The following OPCML variants were observed in gnomAD, a reference collection of about 807,000 sequenced individuals.
OPCML encodes the protein opioid-binding protein/cell adhesion molecule.
In OPCML, 13 loss-of-function variants were observed where a neutral mutation model predicts 37.8. That is an observed-to-expected ratio of 0.34 (90% CI 0.22 to 0.55). OPCML has a LOEUF of 0.55. Among genes scored for constraint, OPCML ranks in the 20% least tolerant of loss-of-function variants. OPCML has a pLI of 0.91. For missense variants in OPCML, 341 were observed against 435.6 expected (o/e 0.78, Z 1.93); for synonymous variants, 176 against 168.8 (o/e 1.04, Z -0.33).
intron 1 of OPCML, among the ~76,000 whole-genome samples, chr11:133,515,731 G>A (rs1948254825): frequency 6.6e-6 from 1 of 151,758 alleles, no homozygotes; most frequent in Admixed American, 6.6e-5. Context: ...GTCCAGAAAA[G>A]CCCGAAACTC....
chr11:133,082,587 C>T (rs1290182752), intron 1 of OPCML, among the ~76,000 whole-genome samples: 3 of 136,490 alleles, frequency 2.2e-5, no homozygotes, highest in Admixed American at 2.1e-4. Context: ...CTCATCCTCT[C>T]CTCCCCCTCG....
intron 1 of OPCML, chr11:133,420,437 T>A (rs1313717076): frequency 1.0e-6 from 1 of 985,336 alleles, no homozygotes; most frequent in Non-Finnish European, 1.2e-6. Flanking sequence ...GAATTTCAGT[T>A]TGTTTTCAAT....
chr11:132,639,003 C>G (rs937444618), intron 3 of OPCML, among the ~76,000 whole-genome samples: 1 of 152,158 alleles, frequency 6.6e-6, no homozygotes, highest in African/African-American at 2.4e-5. Flanking sequence ...GATACTGGAG[C>G]AGTTTTCTAG....
chr11:132,552,291 T>C (rs1357836086), intron 3 of OPCML, among the ~76,000 whole-genome samples: 1 of 152,222 alleles, frequency 6.6e-6, no homozygotes, highest in Non-Finnish European at 1.5e-5. Flanking sequence ...GGTAAGACAT[T>C]ACATGAGACC....
chr11:133,183,571 C>G (rs1937937386), intron 1 of OPCML, among the ~76,000 whole-genome samples: 1 of 152,272 alleles, frequency 6.6e-6, no homozygotes, highest in East Asian at 1.9e-4. Flanking sequence ...ACCTCCTCTT[C>G]CACTCATTTA....
At chr11:133,426,959 A>G (rs976151733) in intron 1 of OPCML, among the ~76,000 whole-genome samples, 1 of 152,226 alleles carries the variant, frequency 6.6e-6, no homozygotes, top group Non-Finnish European at 1.5e-5. Context: ...CATTTATGCA[A>G]AAAATATAAA....
intron 2 of OPCML, among the ~76,000 whole-genome samples, chr11:132,890,518 G>T (rs1943598730): frequency 6.6e-6 from 1 of 151,908 alleles, no homozygotes; most frequent in African/African-American, 2.4e-5. Context: ...AGGTTACAAA[G>T]ATACATACAA....
intron 2 of OPCML, among the ~76,000 whole-genome samples, chr11:132,853,289 T>C (rs966446850): frequency 6.6e-6 from 1 of 152,186 alleles, no homozygotes; most frequent in Non-Finnish European, 1.5e-5. Context: ...CAGATGAGAT[T>C]GGTGGTGTTA....
chr11:133,507,307 G>A (rs1346913180), intron 1 of OPCML, among the ~76,000 whole-genome samples: 1 of 152,192 alleles, frequency 6.6e-6, no homozygotes, highest in Admixed American at 6.5e-5. Context: ...GCTGAAATGG[G>A]TGCAGCCCCA....
intron 1 of OPCML, among the ~76,000 whole-genome samples, chr11:133,258,485 G>A (rs575142545): frequency 1.1e-4 from 17 of 152,238 alleles, no homozygotes; most frequent in South Asian, 2.1e-4. Flanking sequence ...ACCTTAGGGC[G>A]TGGCAAGGAA....
chr11:132,496,302 T>G (rs2096231063), intron 4 of OPCML, among the ~76,000 whole-genome samples: 1 of 152,218 alleles, frequency 6.6e-6, no homozygotes. Context: ...TTAAAATAAG[T>G]TCTAGAAGCA....
chr11:132,672,937 G>A (rs963704197), intron 2 of OPCML, among the ~76,000 whole-genome samples: 1 of 152,026 alleles, frequency 6.6e-6, no homozygotes, highest in Non-Finnish European at 1.5e-5. Flanking sequence ...TGAACATGAG[G>A]AATGAAATAT....
intron 1 of OPCML, among the ~76,000 whole-genome samples, chr11:133,308,562 T>C (rs1253412092): frequency 6.6e-6 from 1 of 152,126 alleles, no homozygotes; most frequent in East Asian, 1.9e-4. Flanking sequence ...AATAGATAGA[T>C]ACAGCTGTGT....
chr11:133,474,762 A>G (rs1436701565), intron 1 of OPCML, among the ~76,000 whole-genome samples: 1 of 152,196 alleles, frequency 6.6e-6, no homozygotes, highest in African/African-American at 2.4e-5. Flanking sequence ...CATTCTTTGC[A>G]TGAAAAGACA....
rs867540460 is a variant in OPCML at position 132,436,862 on chromosome 11, A to T, written c.644-83T>A. 32 of 1,544,382 alleles carry T rather than the reference A, an allele frequency of 2.1e-5. No individual in the cohort carries two copies. In the South Asian group the frequency reaches 3.2e-4, roughly 16 times the overall value. On this transcript the variant is annotated intron_variant, in intron 5 of 7. Coordinates refer to ENST00000524381, the MANE Select transcript of OPCML (RefSeq NM_001012393.5). Reference sequence around the variant, plus strand: ...ATTTCGTGAAAGAGATGAAGGGCACATCCAGCCATTTGCTATGTAAATGGA... The same window carrying T: ...ATTTCGTGAAAGAGATGAAGGGCACTTCCAGCCATTTGCTATGTAAATGGA...
chr11:133,001,077 G>A (rs1321867331), intron 1 of OPCML, among the ~76,000 whole-genome samples: 8 of 152,162 alleles, frequency 5.3e-5, no homozygotes, highest in African/African-American at 1.4e-4. Context: ...TGTACAGTCT[G>A]CAGAACCATG....
chr11:133,089,062 C>T (rs528070869), intron 1 of OPCML, among the ~76,000 whole-genome samples: 2 of 152,284 alleles, frequency 1.3e-5, no homozygotes, highest in African/African-American at 4.8e-5. Context: ...AGTGATTTGA[C>T]CCATAATATA....
chr11:132,973,778 C>G (rs1468612250), intron 1 of OPCML, among the ~76,000 whole-genome samples: 1 of 152,240 alleles, frequency 6.6e-6, no homozygotes, highest in Non-Finnish European at 1.5e-5. Flanking sequence ...CTCCAATCTT[C>G]TCATTCCCCT....
intron 2 of OPCML, among the ~76,000 whole-genome samples, chr11:132,815,253 A>G (rs1267865502): frequency 6.6e-6 from 1 of 152,190 alleles, no homozygotes; most frequent in Non-Finnish European, 1.5e-5. Context: ...TGGACTTTTA[A>G]GTCTTGCTAT....
Sources: gnomAD v4.1 joint callset for allele counts (sites outside exome capture counted in the v4.1 genomes callset) on GRCh38, gnomAD v4.1.1 for gene constraint, MANE v1.5 for transcripts, NCBI Gene and HGNC (gene_info 2026-07-23, HGNC 2026-07-21) for gene names.